The following MACROD1 variants were observed in gnomAD, a reference collection of about 807,000 sequenced individuals.
The protein encoded by MACROD1 is mono-ADP ribosylhydrolase 1.
MACROD1 carries 31 observed loss-of-function variants against 41.4 expected under a neutral mutation model. The observed-to-expected ratio is 0.75, with a 90% confidence interval of 0.56 to 1.01. The LOEUF is 1.01. Among genes scored for constraint, MACROD1 ranks in the 50% least tolerant of loss-of-function variants. The probability of loss-of-function intolerance (pLI) is 0.00; values close to 1 mark genes in which losing one functional copy is unlikely to be tolerated. For missense variants in MACROD1, 473 were observed against 460.0 expected (o/e 1.03, Z -0.26); for synonymous variants, 252 against 203.4 (o/e 1.24, Z -2.03).
intron 3 of MACROD1, among the ~76,000 whole-genome samples, chr11:64,065,064 C>G (rs972217752): frequency 2.0e-5 from 3 of 152,166 alleles, no homozygotes; most frequent in African/African-American, 7.2e-5. Flanking sequence ...CCAGCAGGGC[C>G]CAGCACAGGC....
At chr11:64,083,184 C>G (rs911372973) in intron 3 of MACROD1, 1 of 152,182 alleles carries the variant, frequency 6.6e-6, no homozygotes, top group Non-Finnish European at 1.5e-5. Context: ...GCTTGTAATC[C>G]CGGCACTTTG....
In MACROD1 at chr11:64,088,547, C is replaced by T. The variant is rs190738635; in HGVS notation, c.517+62692G>A. On this transcript the variant is annotated intron_variant, in intron 3 of 10. Transcript: ENST00000255681. ...TGACTCTCCTCTCACCTGCAGGTGG[C>T]ACCACCCTTTACAGTGTGTTTCTCC... Among the ~76,000 whole-genome samples the T allele has an allele frequency of 1.6e-3, 240 of 152,308 alleles. 1 individual carries two copies. The highest frequency in any genetic ancestry group is 5.5e-3 in the African/African-American group (227 of 41,550).
At chr11:64,016,157 C>A (rs975399976) in intron 3 of MACROD1, among the ~76,000 whole-genome samples, 1 of 152,206 alleles carries the variant, frequency 6.6e-6, no homozygotes, top group African/African-American at 2.4e-5. Flanking sequence ...TCAGTCTGTC[C>A]GATCGGCTGC....
intron 3 of MACROD1, among the ~76,000 whole-genome samples, chr11:64,045,489 G>A (rs551332609): frequency 7.9e-5 from 12 of 152,328 alleles, no homozygotes; most frequent in South Asian, 2.1e-4. Context: ...GGGCCCTGCC[G>A]TGGGGCAGCT....
intron 1 of MACROD1, 56 bp downstream of exon 1, chr11:64,165,641 G>C: frequency 1.5e-6 from 2 of 1,320,706 alleles, no homozygotes; most frequent in South Asian, 2.0e-5. Context: ...CCGCCCAGCC[G>C]GGAAGCTCCA....
At position 63,998,844 on chromosome 11, in the gene MACROD1, C is replaced by A. The variant is rs564321799; in HGVS notation, c.*24G>T. Reference sequence around the variant, plus strand: ...GGGGCGAGGCCCTGCTTACCAGTCCCGGTCAGGGTGGGCTGCGGGAGCCTC... The same window carrying A: ...GGGGCGAGGCCCTGCTTACCAGTCCAGGTCAGGGTGGGCTGCGGGAGCCTC... On this transcript the variant is annotated 3_prime_UTR_variant, in exon 10 of 11. Transcript: ENST00000255681. 1.3e-6 allele frequency: 2 copies of A among 1,582,008 alleles called. No individual in the cohort carries two copies. Among genetic ancestry groups the A allele is most frequent in the East Asian group, 2.3e-5 (1 of 44,264 alleles).
At chr11:64,133,656 G>A (rs1250968003) in intron 3 of MACROD1, among the ~76,000 whole-genome samples, 2 of 152,196 alleles carry the variant, frequency 1.3e-5, no homozygotes, top group Non-Finnish European at 2.9e-5. Context: ...AGCAAGCTGA[G>A]CCATTCCCAG....
chr11:64,020,246 A>T (rs1943135598), intron 3 of MACROD1, among the ~76,000 whole-genome samples: 1 of 152,210 alleles, frequency 6.6e-6, no homozygotes, highest in Non-Finnish European at 1.5e-5. Context: ...GTGCATGCAC[A>T]GCTCATTTAA....
At chr11:64,022,130 C>T (rs1031895477) in intron 3 of MACROD1, among the ~76,000 whole-genome samples, 10 of 151,608 alleles carry the variant, frequency 6.6e-5, no homozygotes, top group Non-Finnish European at 8.8e-5. Flanking sequence ...AAGAGCAGCC[C>T]CTGGGGGGCC....
At position 64,120,908 on chromosome 11, in the gene MACROD1, C is replaced by T. The variant is rs1384982230; in HGVS notation, c.517+30331G>A. 1.3e-5 allele frequency among the ~76,000 whole-genome samples: 2 copies of T among 152,180 alleles called. No individual in the cohort carries two copies. The highest frequency in any genetic ancestry group is 2.4e-5 in the African/African-American group (1 of 41,446). On this transcript the variant is annotated intron_variant, in intron 3 of 10. Transcript: ENST00000255681. This position sits in a 1 kb window ranked among gnomAD's most constrained non-coding sequence, Gnocchi z 4.5. ...CCCCAAGTCCCGCCCATCTGCAACA[C>T]GGTGCTGCCAGCACACTGTCCCCAC...
intron 4 of MACROD1, among the ~76,000 whole-genome samples, chr11:64,011,712 C>A (rs535684679): frequency 6.6e-6 from 1 of 152,036 alleles, no homozygotes; most frequent in Non-Finnish European, 1.5e-5. Flanking sequence ...GTGGCCAGGG[C>A]AGGCAGGATG....
At chr11:64,162,342 GA>G (rs71468653) in intron 1 of MACROD1, among the ~76,000 whole-genome samples, 4,741 of 146,256 alleles carry the variant, frequency 0.032, 109 homozygotes, top group Non-Finnish European at 0.045. Flanking sequence ...TGTCTCAAAA[GA>G]AAAAAAAAAA....
intron 4 of MACROD1, among the ~76,000 whole-genome samples, chr11:64,002,148 G>A (rs554130783): frequency 6.6e-6 from 1 of 152,322 alleles, no homozygotes; most frequent in South Asian, 2.1e-4. Flanking sequence ...CACACAGGGT[G>A]TTCACAGTGT....
chr11:64,072,295 C>T (rs978874337), intron 3 of MACROD1, among the ~76,000 whole-genome samples: 2 of 152,092 alleles, frequency 1.3e-5, no homozygotes, highest in Admixed American at 6.5e-5. Flanking sequence ...AGCCAGGCCC[C>T]AGAACTGTAG....
chr11:64,150,832 T>A (rs1945563813), intron 3 of MACROD1, among the ~76,000 whole-genome samples: 1 of 152,134 alleles, frequency 6.6e-6, no homozygotes, highest in South Asian at 2.1e-4. Context: ...CCACTATCCC[T>A]CGACAAGCTC....
At chr11:64,051,040 C>T (rs1042540193) in intron 3 of MACROD1, among the ~76,000 whole-genome samples, 2 of 152,202 alleles carry the variant, frequency 1.3e-5, no homozygotes, top group African/African-American at 2.4e-5. Context: ...TGGTAAATTC[C>T]AAGGATTGAG....
intron 3 of MACROD1, among the ~76,000 whole-genome samples, chr11:64,129,849 C>T (rs548863100): frequency 6.6e-6 from 1 of 152,224 alleles, no homozygotes; most frequent in South Asian, 2.1e-4. Flanking sequence ...CAGGTTTGGG[C>T]CGCACAGGAG....
At chr11:64,112,427 T>G (rs1260383218) in intron 3 of MACROD1, among the ~76,000 whole-genome samples, 1 of 152,056 alleles carries the variant, frequency 6.6e-6, no homozygotes, top group East Asian at 1.9e-4. Flanking sequence ...AGCAGGAGGA[T>G]CTCTTGAACC....
At chr11:64,130,092 C>T (rs1945243731) in intron 3 of MACROD1, among the ~76,000 whole-genome samples, 1 of 152,114 alleles carries the variant, frequency 6.6e-6, no homozygotes, top group African/African-American at 2.4e-5. Context: ...GAAACCTACC[C>T]CACACCACTG....
Sources: allele counts gnomAD v4.1 joint callset (sites outside exome capture counted in the v4.1 genomes callset), GRCh38; gene constraint gnomAD v4.1.1; non-coding constraint Gnocchi (gnomAD v3.1); transcripts MANE v1.5; gene names NCBI Gene and HGNC (gene_info 2026-07-23, HGNC 2026-07-21).